Variants in ARHGEF4 observed in about 807,000 individuals in gnomAD.
ARHGEF4 encodes Rho guanine nucleotide exchange factor 4.
A neutral mutation model predicts 162.0 loss-of-function variants in ARHGEF4; 119 were observed. The ratio of observed to expected loss-of-function variants is 0.73; its 90% CI spans 0.63 to 0.86. ARHGEF4 has a LOEUF of 0.86. Among genes scored for constraint, ARHGEF4 ranks in the 40% least tolerant of loss-of-function variants. The probability of loss-of-function intolerance (pLI) is 0.00; values close to 1 mark genes in which losing one functional copy is unlikely to be tolerated. For synonymous variants in ARHGEF4, 1,014 were observed against 979.9 expected (o/e 1.03, Z -0.65); for missense variants, 2,488 against 2,456.0 (o/e 1.01, Z -0.28).
chr2:131,040,091 G>A lies in ARHGEF4; in HGVS notation c.4381G>A (p.Ala1461Thr), dbSNP rs1206410686. Residue 1461 changes from alanine (A) to threonine (T), a missense_variant, in exon 7 of 14, where the codon GCG becomes ACG. Around this residue, in one of 6 missense-constraint regions of ARHGEF4, gnomAD observed 174 missense variants for 148.3 expected, o/e 1.17. Transcript: ENST00000409359. ...GAACAGCGGAGCGGAGGACGGCGGGGCGGAGGCGCAGAGCAGCAAGGACCA... is the reference window on the plus strand; with the variant it reads ...GAACAGCGGAGCGGAGGACGGCGGGACGGAGGCGCAGAGCAGCAAGGACCA... Reference protein sequence around the residue: ...AGNSGAEDGGAEAQSSKDQMR... With the variant: ...AGNSGAEDGGTEAQSSKDQMR... 3 of 1,608,836 alleles carry A rather than the reference G, an allele frequency of 1.9e-6. No homozygotes were observed. Among genetic ancestry groups the A allele is most frequent in the Non-Finnish European group, 2.5e-6 (3 of 1,177,696 alleles).
chr2:131,003,465 G>C (rs919773987), intron 4 of ARHGEF4, among the ~76,000 whole-genome samples: 11 of 152,174 alleles, frequency 7.2e-5, no homozygotes, highest in Admixed American at 2.0e-4. Flanking sequence ...TTCTGGCCAA[G>C]GCAGAGACCC....
chr2:130,889,623 C>G (rs1164305835), intron 1 of ARHGEF4, among the ~76,000 whole-genome samples: 1 of 151,616 alleles, frequency 6.6e-6, no homozygotes, highest in African/African-American at 2.4e-5. Context: ...CCAGCCTGGC[C>G]AACATGGTGA....
At position 131,034,931 on chromosome 2, in the gene ARHGEF4, G is replaced by C. The variant is rs1334152661; in HGVS notation, c.4126-3922G>C. 4 of 969,638 alleles carry C rather than the reference G, an allele frequency of 4.1e-6. No homozygotes were observed. The African/African-American group carries it at 5.3e-5, about 13-fold the overall frequency. 60.1% of individuals were successfully genotyped at this position (969,638 alleles called of 1,614,324 possible). A position where few individuals can be genotyped will look rare whatever the true frequency, so the allele number is the denominator to read the frequency against. ...CGGCTTGGTTGCCAGGGTTGCCAGG[G>C]CTTGGGGCCTGGGAGGCGCCGCGCG... On this transcript the variant is annotated intron_variant, in intron 5 of 13. Coordinates refer to ENST00000409359, the MANE Select transcript of ARHGEF4 (RefSeq NM_001367493.1).
chr2:130,985,007 G>GT (rs1158859348), intron 4 of ARHGEF4, among the ~76,000 whole-genome samples: 1 of 152,048 alleles, frequency 6.6e-6, no homozygotes, highest in Non-Finnish European at 1.5e-5. Context: ...AACAGTCAGG[G>GT]TGCTCCCCCA....
At chr2:130,989,521 G>A (rs898778509) in intron 4 of ARHGEF4, among the ~76,000 whole-genome samples, 1 of 152,104 alleles carries the variant, frequency 6.6e-6, no homozygotes, top group African/African-American at 2.4e-5. Flanking sequence ...TTTTAGCATT[G>A]CACATGACTA....
At chr2:130,926,866 G>GT (rs1682328209) in intron 2 of ARHGEF4, among the ~76,000 whole-genome samples, 1 of 111,380 alleles carries the variant, frequency 9.0e-6, no homozygotes, top group Admixed American at 1.4e-4. Context: ...CAGACTAAGA[G>GT]TATGTATTGG....
At chr2:131,018,332 T>A (rs777413581) in intron 4 of ARHGEF4, among the ~76,000 whole-genome samples, 2 of 152,228 alleles carry the variant, frequency 1.3e-5, no homozygotes, top group Non-Finnish European at 2.9e-5. Context: ...TAATGATTAG[T>A]GATGTCGTAT....
intron 5 of ARHGEF4, chr2:131,034,916 G>A (rs1176661028): frequency 3.2e-6 from 3 of 931,810 alleles, no homozygotes; most frequent in East Asian, 1.2e-4. Context: ...CGGCTTGGTT[G>A]CCAGGGTTGC....
chr2:130,899,311 A>T (rs1028526618), intron 1 of ARHGEF4, among the ~76,000 whole-genome samples: 9 of 152,228 alleles, frequency 5.9e-5, no homozygotes, highest in Admixed American at 5.2e-4. Flanking sequence ...TCATGGGGGA[A>T]TGATAATTGA....
chr2:130,914,240 T>C lies in ARHGEF4; in HGVS notation c.294T>C (p.Asp98=), dbSNP rs769988032. 8 of 1,535,498 alleles carry C rather than the reference T, an allele frequency of 5.2e-6. No homozygotes were observed. Among genetic ancestry groups the C allele is most frequent in the South Asian group, 1.2e-5 (1 of 84,030 alleles). The change falls in exon 2 of 14, where the codon GAT becomes GAC. Residue 98 remains aspartate (D), a synonymous_variant. Coordinates refer to ENST00000409359, the MANE Select transcript of ARHGEF4 (RefSeq NM_001367493.1). ...VFHPLRGTPV[D]IEAPWEYPDV... ...ACCCTCTAAGAGGTACTCCCGTAGA[T>C]ATAGAAGCACCTTGGGAATACCCTG...
At chr2:130,981,552 A>G (rs1207314524) in intron 4 of ARHGEF4, among the ~76,000 whole-genome samples, 2 of 151,648 alleles carry the variant, frequency 1.3e-5, no homozygotes, top group African/African-American at 4.8e-5. Context: ...CCAGCTACTC[A>G]GGAGGCTGAG....
intron 4 of ARHGEF4, among the ~76,000 whole-genome samples, chr2:130,998,540 C>T (rs1687552267): frequency 6.6e-6 from 1 of 152,186 alleles, no homozygotes; most frequent in African/African-American, 2.4e-5. Flanking sequence ...TCTGTAATGT[C>T]ATGTAGTTGA....
intron 1 of ARHGEF4, among the ~76,000 whole-genome samples, chr2:130,904,911 T>C (rs1423373933): frequency 6.6e-6 from 1 of 152,076 alleles, no homozygotes; most frequent in Non-Finnish European, 1.5e-5. Flanking sequence ...AAACCCTGTC[T>C]CTACTAAAAA....
chr2:130,851,052 G>A (rs1313622409), intron 1 of ARHGEF4, among the ~76,000 whole-genome samples: 3 of 152,274 alleles, frequency 2.0e-5, no homozygotes, highest in Non-Finnish European at 4.4e-5. Flanking sequence ...AGCCTGCTGG[G>A]TCCCCTTGCA....
At chr2:130,886,496 G>A (rs1340079893) in intron 1 of ARHGEF4, among the ~76,000 whole-genome samples, 1 of 151,676 alleles carries the variant, frequency 6.6e-6, no homozygotes, top group Non-Finnish European at 1.5e-5. Context: ...TGGCTAACAT[G>A]GTGAAACCCC....
intron 3 of ARHGEF4, among the ~76,000 whole-genome samples, chr2:130,939,941 T>C (rs984809714): frequency 2.6e-5 from 4 of 152,262 alleles, no homozygotes; most frequent in African/African-American, 9.6e-5. Flanking sequence ...TTGTATCCTG[T>C]GACTCTGCTG....
At chr2:131,021,603 T>C (rs551590278) in intron 4 of ARHGEF4, among the ~76,000 whole-genome samples, 3 of 152,282 alleles carry the variant, frequency 2.0e-5, no homozygotes, top group South Asian at 4.1e-4. Context: ...CCAAAAGCAA[T>C]GGCAACAAAA....
At chr2:130,935,517 A>G (rs1347755910) in intron 3 of ARHGEF4, among the ~76,000 whole-genome samples, 5 of 152,222 alleles carry the variant, frequency 3.3e-5, no homozygotes, top group African/African-American at 1.2e-4. Context: ...ACAACTAGAA[A>G]GTTCCCTCTC....
chr2:130,879,061 G>A (rs1679036814), intron 1 of ARHGEF4, among the ~76,000 whole-genome samples: 1 of 152,216 alleles, frequency 6.6e-6, no homozygotes, highest in Non-Finnish European at 1.5e-5. Flanking sequence ...CCACGGAAGA[G>A]CAAAGAAGCA....
Sources: gnomAD v4.1 joint callset for allele counts (sites outside exome capture counted in the v4.1 genomes callset) on GRCh38, gnomAD v4.1.1 for gene constraint, gnomAD v4.1.1 regional missense constraint, MANE v1.5 for transcripts, NCBI Gene and HGNC (gene_info 2026-07-23, HGNC 2026-07-21) for gene names.